The following SCYL2 variants were observed in gnomAD, a reference collection of about 807,000 sequenced individuals.
SCYL2 encodes SCY1-like protein 2.
A neutral mutation model predicts 100.4 loss-of-function variants in SCYL2; 36 were observed. The ratio of observed to expected loss-of-function variants is 0.36; its 90% CI spans 0.27 to 0.47. SCYL2 has a LOEUF of 0.47. Ranked by LOEUF, SCYL2 falls within the 20% of genes least tolerant of loss-of-function variation. SCYL2 has a pLI of 1.00. For missense variants in SCYL2, 902 were observed against 1,083.9 expected, an observed-to-expected ratio of 0.83 and a Z score of 2.36; for synonymous variants, 330 against 359.2, an observed-to-expected ratio of 0.92 and a Z score of 0.92.
In SCYL2 at chr12:100,312,587, A is replaced by T; in HGVS notation, c.786A>T (p.Lys262Asn). Reference sequence around the variant, plus strand: ...CTGTTATGTATGCTGTATTTAATAAAGGGAAACCTATATTTGAAGTCAACA... The same window carrying T: ...CTGTTATGTATGCTGTATTTAATAATGGGAAACCTATATTTGAAGTCAACA... ...LGTVMYAVFN[K>N]GKPIFEVNKQ... The change falls in exon 6 of 18, where the codon AAA becomes AAT. Residue 262 changes from lysine (K) to asparagine (N), a missense_variant. Transcript: ENST00000360820. The T allele has an allele frequency of 6.2e-7, 1 of 1,613,326 alleles. No individual in the cohort carries two copies. Among genetic ancestry groups the T allele is most frequent in the South Asian group, 1.1e-5 (1 of 91,038 alleles).
At chr12:100,320,095 C>T (rs779858330) in intron 10 of SCYL2, among the ~76,000 whole-genome samples, 3 of 152,114 alleles carry the variant, frequency 2.0e-5, no homozygotes, top group Non-Finnish European at 2.9e-5. Flanking sequence ...AAATGGATAT[C>T]GAAATTATCT....
intron 3 of SCYL2, 151 bp downstream of exon 3, chr12:100,291,811 A>G (rs893632102): frequency 3.0e-6 from 2 of 670,558 alleles, no homozygotes; most frequent in African/African-American, 3.8e-5. Flanking sequence ...CCTAAAATTT[A>G]TTTGCATTGT....
At chr12:100,323,103 G>C (rs761098484) in intron 10 of SCYL2, among the ~76,000 whole-genome samples, 3 of 151,440 alleles carry the variant, frequency 2.0e-5, no homozygotes, top group African/African-American at 4.8e-5. Flanking sequence ...GTTATCATAT[G>C]GATATATGTA....
chr12:100,282,999 G>A lies in SCYL2; in HGVS notation c.29G>A (p.Ser10Asn), dbSNP rs1446456079. 6.2e-7 allele frequency: 1 copy of A among 1,608,860 alleles called. No individual in the cohort carries two copies. Among genetic ancestry groups the A allele is most frequent in the Admixed American group, 1.7e-5 (1 of 58,816 alleles). The change falls in exon 2 of 18, where the codon AGT becomes AAT. Residue 10 changes from serine (S) to asparagine (N), a missense_variant. Ser to Asn is a conservative substitution (Grantham distance 46, BLOSUM62 1). Coordinates refer to ENST00000360820, the MANE Select transcript of SCYL2 (RefSeq NM_017988.6). MESMLNKLK[S>N]TVTKVTADVT... The stretch of plus-strand genomic sequence containing the variant: ...GAGTCCATGCTTAATAAATTGAAGA[G>A]TACTGTTACAAAAGTAACAGCTGAT...
At chr12:100,328,261 G>GGGCAA (rs1184594398) in intron 12 of SCYL2, among the ~76,000 whole-genome samples, 2 of 150,284 alleles carry the variant, frequency 1.3e-5, no homozygotes, top group African/African-American at 5.0e-5. Flanking sequence ...ATGAGCAACA[G>GGGCAA]GGCAAGACCC....
intron 1 of SCYL2, among the ~76,000 whole-genome samples, chr12:100,274,176 A>C (rs1472016760): frequency 1.3e-5 from 2 of 152,234 alleles, no homozygotes; most frequent in African/African-American, 4.8e-5. Flanking sequence ...TTACATAAGT[A>C]TAATTTCGTT....
chr12:100,281,709 C>T (rs2096298595), intron 1 of SCYL2, among the ~76,000 whole-genome samples: 1 of 151,902 alleles, frequency 6.6e-6, no homozygotes, highest in Non-Finnish European at 1.5e-5. Flanking sequence ...TAGCGGGCGC[C>T]TGTAGTCCCA....
At chr12:100,276,811 T>A (rs1478914720) in intron 1 of SCYL2, among the ~76,000 whole-genome samples, 2 of 152,092 alleles carry the variant, frequency 1.3e-5, no homozygotes, top group Non-Finnish European at 2.9e-5. Context: ...TTTAATTTTC[T>A]CTTTTTCTAG....
intron 10 of SCYL2, among the ~76,000 whole-genome samples, chr12:100,318,135 TAATC>T (rs1023550966): frequency 6.6e-6 from 1 of 152,154 alleles, no homozygotes; most frequent in African/African-American, 2.4e-5. Context: ...GTGAAAAAAG[TAATC>T]AGTCTGTGTA....
intron 4 of SCYL2, among the ~76,000 whole-genome samples, chr12:100,306,942 G>A (rs2096335215): frequency 2.0e-5 from 3 of 152,176 alleles, no homozygotes; most frequent in African/African-American, 7.2e-5. Context: ...TACAAGGGAT[G>A]TGAAGGACCT....
intron 11 of SCYL2, among the ~76,000 whole-genome samples, chr12:100,324,451 T>C (rs2096359590): frequency 6.6e-6 from 1 of 152,200 alleles, no homozygotes; most frequent in South Asian, 2.1e-4. Flanking sequence ...AAACTAGTTC[T>C]CTGGAGATCC....
At chr12:100,319,181 A>G in intron 10 of SCYL2, 1 of 455,482 alleles carries the variant, frequency 2.2e-6, no homozygotes, top group South Asian at 1.6e-5. Context: ...TCGTTTGTTC[A>G]AGGCTGTGAG....
intron 4 of SCYL2, among the ~76,000 whole-genome samples, chr12:100,307,082 T>C (rs553952785): frequency 6.6e-6 from 1 of 152,310 alleles, no homozygotes; most frequent in African/African-American, 2.4e-5. Flanking sequence ...AAGTAATTTG[T>C]AGATTCAGTG....
chr12:100,291,380 T>C, intron 2 of SCYL2, 123 bp from the exon 3 acceptor site: 7 of 623,820 alleles, frequency 1.1e-5, no homozygotes. Flanking sequence ...CTCTTTGATA[T>C]CAGAAAAGTA....
At chr12:100,269,408 A>T (rs2096284723) in intron 1 of SCYL2, among the ~76,000 whole-genome samples, 1 of 152,018 alleles carries the variant, frequency 6.6e-6, no homozygotes, top group African/African-American at 2.4e-5. Flanking sequence ...TCTCCTGATT[A>T]TATGTTCTTA....
chr12:100,323,024 T>G (rs1242905406), intron 10 of SCYL2, among the ~76,000 whole-genome samples: 1 of 145,906 alleles, frequency 6.9e-6, no homozygotes, highest in Non-Finnish European at 1.5e-5. Flanking sequence ...CAAGGTCCTG[T>G]CTCAAGAAAA....
chr12:100,292,233 A>G (rs1260928312), intron 3 of SCYL2, among the ~76,000 whole-genome samples: 1 of 152,236 alleles, frequency 6.6e-6, no homozygotes, highest in Non-Finnish European at 1.5e-5. Flanking sequence ...TCCTTTAGAT[A>G]CGCTAGCTTT....
intron 1 of SCYL2, among the ~76,000 whole-genome samples, chr12:100,281,690 C>T (rs1043850414): frequency 2.0e-5 from 3 of 152,040 alleles, no homozygotes; most frequent in South Asian, 2.1e-4. Context: ...AAAAATTAGC[C>T]GGGCGTGGTA....
chr12:100,312,503 T>G lies in SCYL2; in HGVS notation c.702T>G (p.Ala234=). The change falls in exon 6 of 18, where the codon GCT becomes GCG. Residue 234 remains alanine (A), a synonymous_variant. Transcript: ENST00000360820. ...SLCLPNPEYL[A]PEYILSVSCE... Reference sequence around the variant, plus strand: ...GTCTTCCAAATCCTGAATATTTGGCTCCTGAATACATACTTTCTGTGAGCT... The same window carrying G: ...GTCTTCCAAATCCTGAATATTTGGCGCCTGAATACATACTTTCTGTGAGCT... The G allele has an allele frequency of 6.2e-7, 1 of 1,613,940 alleles. No individual in the cohort carries two copies. The highest frequency in any genetic ancestry group is 8.5e-7 in the Non-Finnish European group (1 of 1,179,928).
Sources: allele counts gnomAD v4.1 joint callset (sites outside exome capture counted in the v4.1 genomes callset), GRCh38; gene constraint gnomAD v4.1.1; transcripts MANE v1.5; gene names NCBI Gene and HGNC (gene_info 2026-07-23, HGNC 2026-07-21).